The following MME variants were observed in gnomAD, a reference collection of about 807,000 sequenced individuals.
MME encodes the protein membrane metalloendopeptidase.
In MME, 98 loss-of-function variants were observed where a neutral mutation model predicts 113.2. The ratio of observed to expected loss-of-function variants is 0.87; its 90% CI spans 0.74 to 1.02. MME has a LOEUF of 1.02. Among genes scored for constraint, MME ranks in the 50% least tolerant of loss-of-function variants. The probability of loss-of-function intolerance (pLI) is 0.00; values close to 1 mark genes in which losing one functional copy is unlikely to be tolerated. For missense variants in MME, 836 were observed against 896.0 expected (o/e 0.93, Z 0.86); for synonymous variants, 292 against 300.6 (o/e 0.97, Z 0.30).
chr3:155,172,980 G>T (rs1266414914), intron 22 of MME, among the ~76,000 whole-genome samples: 2 of 151,944 alleles, frequency 1.3e-5, no homozygotes, highest in Non-Finnish European at 2.9e-5. Flanking sequence ...AACTTGCAAA[G>T]AAAAATTTCA....
At chr3:155,082,439 A>G (rs138027982) in intron 1 of MME, among the ~76,000 whole-genome samples, 106 of 152,242 alleles carry the variant, frequency 7.0e-4, no homozygotes, top group African/African-American at 2.4e-3. Flanking sequence ...CCTCTCTGTA[A>G]AGTGTCCAGA....
chr3:155,182,385 A>G lies in MME; in HGVS notation c.*1926A>G, dbSNP rs558434592. 5.3e-5 allele frequency: 8 copies of G among 152,210 alleles called. No homozygotes were observed. Among genetic ancestry groups the G allele is most frequent in the Non-Finnish European group, 7.3e-5 (5 of 68,042 alleles). 9.4% of individuals were successfully genotyped at this position (152,210 alleles called of 1,614,324 possible). On this transcript the variant is annotated 3_prime_UTR_variant, in exon 23 of 23. Transcript: ENST00000360490. ...TGCAACTATGAATGTACTGCATGTT[A>G]CCATCTTACTTGAGCCTTTAATGGA...
At chr3:155,112,887 A>G (rs1718300034) in intron 3 of MME, 1 of 152,230 alleles carries the variant, frequency 6.6e-6, no homozygotes, top group African/African-American at 2.4e-5. Flanking sequence ...AAAGAGATTA[A>G]TCACATCAAC....
chr3:155,054,338 T>A (rs1222632771), intron 1 of MME, among the ~76,000 whole-genome samples: 1 of 152,196 alleles, frequency 6.6e-6, no homozygotes, highest in Non-Finnish European at 1.5e-5. Context: ...TGCTCCTAGA[T>A]AATTTTGGAA....
At chr3:155,125,293 ACCCACT>A (rs1719539220) in intron 8 of MME, among the ~76,000 whole-genome samples, 3 of 80,676 alleles carry the variant, frequency 3.7e-5, no homozygotes, top group Non-Finnish European at 6.2e-5. Context: ...CGGTGCGTGC[ACCCACT>A]GGCCTGCGCC....
intron 8 of MME, among the ~76,000 whole-genome samples, chr3:155,122,253 C>A (rs1056610470): frequency 1.3e-5 from 2 of 152,118 alleles, no homozygotes; most frequent in South Asian, 2.1e-4. Context: ...TCTGTAGGAT[C>A]GGTGGTGATA....
At chr3:155,148,516 T>C (rs770166825) in intron 15 of MME, 34 bp from the exon 16 acceptor site, 2 of 1,429,504 alleles carry the variant, frequency 1.4e-6, no homozygotes, top group Non-Finnish European at 2.0e-6. Context: ...ATACCGGTTT[T>C]AATATTTCTT....
intron 1 of MME, among the ~76,000 whole-genome samples, chr3:155,031,809 C>G (rs1020043127): frequency 1.3e-5 from 2 of 152,180 alleles, no homozygotes; most frequent in African/African-American, 4.8e-5. Flanking sequence ...AGGTGCCCAC[C>G]ACCACACCCG....
intron 1 of MME, among the ~76,000 whole-genome samples, chr3:155,066,490 G>T (rs1383496920): frequency 3.3e-5 from 5 of 152,098 alleles, no homozygotes; most frequent in Admixed American, 6.6e-5. Context: ...GTTTTCCATG[G>T]AGTGAGTATC....
chr3:155,115,480 G>A (rs980013965), intron 4 of MME, among the ~76,000 whole-genome samples: 7 of 152,168 alleles, frequency 4.6e-5, no homozygotes, highest in African/African-American at 1.7e-4. Flanking sequence ...CCAGGCTGGA[G>A]TGCAATGGTG....
intron 1 of MME, among the ~76,000 whole-genome samples, chr3:155,025,133 A>C (rs1432511159): frequency 6.6e-6 from 1 of 152,186 alleles, no homozygotes; most frequent in African/African-American, 2.4e-5. Flanking sequence ...GAGTATCTGC[A>C]ACACTCAAAC....
intron 1 of MME, among the ~76,000 whole-genome samples, chr3:155,056,402 C>T (rs975604129): frequency 6.6e-6 from 1 of 150,516 alleles, no homozygotes; most frequent in East Asian, 2.0e-4. Flanking sequence ...CTGTTCAGTT[C>T]CCACCTATGA....
At chr3:155,077,449 A>C (rs1714784762), upstream of MME, among the ~76,000 whole-genome samples, 1 of 152,206 alleles carries the variant, frequency 6.6e-6, no homozygotes, top group South Asian at 2.1e-4. Context: ...TACTGTAAAT[A>C]GTTGGGGACT....
intron 22 of MME, among the ~76,000 whole-genome samples, chr3:155,177,169 G>A (rs1043589860): frequency 9.9e-5 from 15 of 152,050 alleles, no homozygotes; most frequent in Non-Finnish European, 1.3e-4. Flanking sequence ...CATTATTACC[G>A]AAGTACTTGT....
chr3:155,107,856 A>G (rs1381697818), intron 3 of MME, among the ~76,000 whole-genome samples: 3 of 152,158 alleles, frequency 2.0e-5, no homozygotes, highest in Non-Finnish European at 2.9e-5. Context: ...GTGCTTTTTA[A>G]TGATGATTTC....
At chr3:155,063,269 AT>A (rs1018498635) in intron 1 of MME, among the ~76,000 whole-genome samples, 2 of 112,330 alleles carry the variant, frequency 1.8e-5, no homozygotes, top group Non-Finnish European at 3.2e-5. Flanking sequence ...AATGTATATT[AT>A]TTATATATTA....
At chr3:155,126,580 T>C (rs1427078573) in intron 8 of MME, among the ~76,000 whole-genome samples, 1 of 152,208 alleles carries the variant, frequency 6.6e-6, no homozygotes, top group Non-Finnish European at 1.5e-5. Flanking sequence ...TCAATATTTT[T>C]CAAAATTGAA....
At chr3:155,162,734 TG>T (rs1417262372) in intron 17 of MME, among the ~76,000 whole-genome samples, 1 of 151,882 alleles carries the variant, frequency 6.6e-6, no homozygotes, top group African/African-American at 2.4e-5. Context: ...TTATGTGGGC[TG>T]GGTGTGGTGG....
intron 1 of MME, among the ~76,000 whole-genome samples, chr3:155,030,234 A>G (rs1381046251): frequency 6.6e-6 from 1 of 152,180 alleles, no homozygotes; most frequent in East Asian, 1.9e-4. Flanking sequence ...CCTCACTGTA[A>G]AAGTTTCTAG....
Sources: allele counts gnomAD v4.1 joint callset (sites outside exome capture counted in the v4.1 genomes callset), GRCh38; gene constraint gnomAD v4.1.1; transcripts MANE v1.5; gene names NCBI Gene and HGNC (gene_info 2026-07-23, HGNC 2026-07-21).